ERI2: variants seen among roughly 807,000 people sequenced by gnomAD.
The protein encoded by ERI2 is ERI1 exoribonuclease 2.
A neutral mutation model predicts 46.8 loss-of-function variants in ERI2; 35 were observed. That is an observed-to-expected ratio of 0.75 (90% CI 0.57 to 0.99). The LOEUF is 0.99. Among genes scored for constraint, ERI2 ranks in the 50% least tolerant of loss-of-function variants. The probability of loss-of-function intolerance (pLI) is 0.00; values close to 1 mark genes in which losing one functional copy is unlikely to be tolerated. For synonymous variants in ERI2, 224 were observed against 271.0 expected, an observed-to-expected ratio of 0.83 and a Z score of 1.70; for missense variants, 695 against 796.2, an observed-to-expected ratio of 0.87 and a Z score of 1.53.
intron 10 of ERI2, among the ~76,000 whole-genome samples, chr16:20,789,125 G>T (rs2080537907): frequency 6.6e-6 from 1 of 152,148 alleles, no homozygotes; most frequent in African/African-American, 2.4e-5. Context: ...ATCAACTTGA[G>T]AAATGCTAAT....
At chr16:20,786,756 T>C (rs1387797680) in intron 10 of ERI2, among the ~76,000 whole-genome samples, 1 of 152,136 alleles carries the variant, frequency 6.6e-6, no homozygotes, top group Non-Finnish European at 1.5e-5. Flanking sequence ...TAGAACCATT[T>C]TACAAACAAG....
At chr16:20,794,048 G>C (rs79270252), downstream of ERI2, among the ~76,000 whole-genome samples, 2,109 of 152,256 alleles carry the variant, frequency 0.014, 48 homozygotes, top group African/African-American at 0.048. Flanking sequence ...AACAGTGGTA[G>C]GCTGCAGCAT....
In ERI2 at chr16:20,799,360, A is replaced by G. The variant is rs2080771389; in HGVS notation, c.644-9T>C. 6.2e-7 allele frequency: 1 copy of G among 1,612,690 alleles called. No homozygotes were observed. On this transcript the variant is annotated splice_polypyrimidine_tract_variant and intron_variant, in intron 7 of 8. Transcript: ENST00000357967. ...CCGAGAATCGTCCAACCCTGAGGAT[A>G]CAGATATCAAACACTGAATTTAGTG...
At position 20,790,607 on chromosome 16, in the gene ERI2, T is replaced by C. The variant is rs1802075792; in HGVS notation, c.815+243A>G. ...CCTAGATTGTAGATGTAAATGGCAATGTTCTACCTCCTGGACAAGAAGGAG... is the reference window on the plus strand; with the variant it reads ...CCTAGATTGTAGATGTAAATGGCAACGTTCTACCTCCTGGACAAGAAGGAG... On this transcript the variant is annotated intron_variant, in intron 9 of 10. Transcript: ENST00000300005. This position sits in a 1 kb window ranked among gnomAD's most constrained non-coding sequence, Gnocchi z 4.0. 1 of 1,614,114 alleles carries C rather than the reference T, an allele frequency of 6.2e-7. No individual in the cohort carries two copies. The highest frequency in any genetic ancestry group is 8.5e-7 in the Non-Finnish European group (1 of 1,179,944).
At chr16:20,803,555 T>G (rs1311317831) in intron 2 of ERI2, 39 bp from the exon 3 acceptor site, 2 of 1,613,954 alleles carry the variant, frequency 1.2e-6, no homozygotes, top group Non-Finnish European at 1.7e-6. Flanking sequence ...TTACCAGTGC[T>G]GAAAATGCAA....
In ERI2 at chr16:20,790,618, C is replaced by A; in HGVS notation, c.815+232G>T. On this transcript the variant is annotated intron_variant, in intron 9 of 10. Transcript: ENST00000300005. The surrounding 1 kb of genome is among the most constrained non-coding windows in gnomAD (Gnocchi z 4.0). The stretch of plus-strand genomic sequence containing the variant: ...GATGTAAATGGCAATGTTCTACCTC[C>A]TGGACAAGAAGGAGATATTGGCATT... The A allele has an allele frequency of 2.5e-6, 4 of 1,614,090 alleles. No homozygotes were observed. The highest frequency in any genetic ancestry group is 3.4e-6 in the Non-Finnish European group (4 of 1,179,986).
intron 10 of ERI2, among the ~76,000 whole-genome samples, chr16:20,788,860 G>A (rs1005338410): frequency 6.6e-6 from 1 of 152,018 alleles, no homozygotes; most frequent in African/African-American, 2.4e-5. Flanking sequence ...TAACTGGGTG[G>A]GAATTTATAT....
chr16:20,792,155 A>C (rs780124164), downstream of ERI2: 14 of 1,614,102 alleles, frequency 8.7e-6, no homozygotes, highest in African/African-American at 1.3e-5. Flanking sequence ...ATATGTGCAT[A>C]TGTCTGTGTT....
At position 20,790,139 on chromosome 16, in the gene ERI2, A is replaced by T. The variant is rs181889106; in HGVS notation, c.816-582T>A. Among the ~76,000 whole-genome samples the T allele has an allele frequency of 4.0e-5, 6 of 150,374 alleles. No individual in the cohort carries two copies. The highest frequency in any genetic ancestry group is 4.0e-4 in the Admixed American group (6 of 15,102). On this transcript the variant is annotated intron_variant, in intron 9 of 10. Transcript: ENST00000300005. This position sits in a 1 kb window ranked among gnomAD's most constrained non-coding sequence, Gnocchi z 4.0. ...GAATTTAAGTAAATATATTTCTCTT[A>T]GGAATTTAAAGTATATTTAAAATAT...
downstream of ERI2, among the ~76,000 whole-genome samples, chr16:20,794,559 ACT>A (rs2080678466): frequency 6.6e-6 from 1 of 152,226 alleles, no homozygotes; most frequent in Non-Finnish European, 1.5e-5. Flanking sequence ...ACAGCCATAG[ACT>A]TTTCTCAGAA....
At chr16:20,789,392 C>T in intron 10 of ERI2, 4 of 968,438 alleles carry the variant, frequency 4.1e-6, no homozygotes, top group Non-Finnish European at 6.6e-6. Flanking sequence ...GTATTAAGTA[C>T]TTAATAAATG....
Position 20,798,969 on chromosome 16 carries a change from G to A in ERI2, c.831C>T (p.Ser277=), listed in dbSNP as rs186050683. ...SACNISIQGP[S]IYNKEPKNII... Reference sequence around the variant, plus strand: ...TATTTTTAGGCTCCTTATTATATATGCTGGGACCCTGGATGCTAATGTTAC... The same window carrying A: ...TATTTTTAGGCTCCTTATTATATATACTGGGACCCTGGATGCTAATGTTAC... Residue 277 remains serine, a synonymous_variant, in exon 9 of 9, where the codon AGC becomes AGT. Transcript: ENST00000357967. 6.5e-6 allele frequency: 10 copies of A among 1,548,114 alleles called. No individual in the cohort carries two copies. In the East Asian group the frequency reaches 2.4e-4, roughly 38 times the overall value.
Position 20,796,999 on chromosome 16 carries a change from T to TA in ERI2, c.*724dup, listed in dbSNP as rs753125106. 8.1e-6 allele frequency: 13 copies of TA among 1,606,218 alleles called. No individual in the cohort carries two copies. The highest frequency in any genetic ancestry group is 8.5e-6 in the Non-Finnish European group (10 of 1,177,436). ...GTTGTTTCATTAATTACCATATCTA[T>TA]AAAACAAACATAGTATCTGTCAATC... On this transcript the variant is annotated 3_prime_UTR_variant, in exon 9 of 9. Transcript: ENST00000357967.
intron 1 of ERI2, among the ~76,000 whole-genome samples, chr16:20,805,500 T>C (rs1190473051): frequency 2.0e-5 from 3 of 152,288 alleles, no homozygotes; most frequent in Non-Finnish European, 4.4e-5. Flanking sequence ...CCCCGTCTAA[T>C]TAGGAATAAA....
intron 1 of ERI2, among the ~76,000 whole-genome samples, chr16:20,804,696 A>G (rs1304299443): frequency 3.3e-5 from 5 of 152,106 alleles, no homozygotes; most frequent in Non-Finnish European, 5.9e-5. Flanking sequence ...TAAAATAAGA[A>G]AAAAAGAGAA....
chr16:20,796,713 T>G lies in ERI2; in HGVS notation c.*1011A>C. 2.0e-6 allele frequency: 3 copies of G among 1,485,518 alleles called. No individual in the cohort carries two copies. The highest frequency in any genetic ancestry group is 8.9e-7 in the Non-Finnish European group (1 of 1,125,072). The allele number at this position is 1,485,518 out of a possible 1,614,324, so 92.0% of individuals were successfully genotyped here. Reference sequence around the variant, plus strand: ...CTGGACTCACAGTAAATACTTAATATCAAGACAACTTTCCTAACAATACCC... The same window carrying G: ...CTGGACTCACAGTAAATACTTAATAGCAAGACAACTTTCCTAACAATACCC... On this transcript the variant is annotated 3_prime_UTR_variant, in exon 9 of 9. Transcript: ENST00000357967.
chr16:20,782,417 C>T (rs1031203346), intron 10 of ERI2, among the ~76,000 whole-genome samples: 2 of 152,148 alleles, frequency 1.3e-5, no homozygotes, highest in African/African-American at 4.8e-5. Context: ...CCCCAGAGTC[C>T]CCAAAGTCCA....
At chr16:20,781,093 A>G (rs892965749) in intron 10 of ERI2, 1 of 1,614,040 alleles carries the variant, frequency 6.2e-7, no homozygotes, top group African/African-American at 1.3e-5. Flanking sequence ...GTATTCACAC[A>G]CCATTTACCC....
At chr16:20,796,182 G>A, downstream of ERI2, 1 of 987,144 alleles carries the variant, frequency 1.0e-6, no homozygotes, top group Non-Finnish European at 1.4e-6. Context: ...AGGGGTCCCA[G>A]AAGCTCTCCT....
Sources: gnomAD v4.1 joint callset for allele counts (sites outside exome capture counted in the v4.1 genomes callset) on GRCh38, gnomAD v4.1.1 for gene constraint, Gnocchi (gnomAD v3.1) non-coding constraint, MANE v1.5 for transcripts, NCBI Gene and HGNC (gene_info 2026-07-23, HGNC 2026-07-21) for gene names.